The following MECOM variants were observed in gnomAD, a reference collection of about 807,000 sequenced individuals.
MECOM encodes MDS1 and EVI1 complex locus.
MECOM carries 13 observed loss-of-function variants against 116.3 expected under a neutral mutation model. That is an observed-to-expected ratio of 0.11 (90% CI 0.07 to 0.18). The LOEUF is 0.18. Among genes scored for constraint, MECOM ranks in the 10% least tolerant of loss-of-function variants. The pLI is 1.00. For synonymous variants in MECOM, 528 were observed against 535.2 expected (o/e 0.99, Z 0.19); for missense variants, 1,299 against 1,509.0 (o/e 0.86, Z 2.31).
intron 1 of MECOM, among the ~76,000 whole-genome samples, chr3:169,388,050 G>T (rs1733654024): frequency 6.6e-6 from 1 of 151,956 alleles, no homozygotes; most frequent in Non-Finnish European, 1.5e-5. Context: ...CAAGCAGACA[G>T]GAAGGATTAC....
chr3:169,454,859 C>T (rs371181542), intron 1 of MECOM, among the ~76,000 whole-genome samples: 33 of 152,252 alleles, frequency 2.2e-4, no homozygotes, highest in African/African-American at 6.7e-4. Flanking sequence ...AAGCCTGACA[C>T]GCCTCATACA....
chr3:169,297,443 A>G lies in MECOM; in HGVS notation c.375+83744T>C, dbSNP rs532265718. On this transcript the variant is annotated intron_variant, in intron 2 of 16. Transcript: ENST00000651503. ...TTTTTATGTTATTGCTTTGACATTC[A>G]TTAACACTCACGTCAGAGGAAATCT... is the stretch of plus-strand genomic sequence containing the variant. 1.1e-4 allele frequency among the ~76,000 whole-genome samples: 16 copies of G among 152,262 alleles called. No individual in the cohort carries two copies. In the South Asian group the frequency reaches 1.2e-3, roughly 12 times the overall value.
chr3:169,641,925 T>G (rs1254523905), intron 1 of MECOM, among the ~76,000 whole-genome samples: 1 of 152,252 alleles, frequency 6.6e-6, no homozygotes, highest in Non-Finnish European at 1.5e-5. Context: ...GCTGTAAGAT[T>G]ATTTCAAGGA....
intron 1 of MECOM, among the ~76,000 whole-genome samples, chr3:169,600,227 C>T (rs1177088098): frequency 6.6e-6 from 1 of 152,146 alleles, no homozygotes; most frequent in Non-Finnish European, 1.5e-5. Flanking sequence ...CCACCTCAGC[C>T]TCCCAAAGTA....
intron 8 of MECOM, among the ~76,000 whole-genome samples, chr3:169,114,935 C>G (rs1728655182): frequency 6.6e-6 from 1 of 152,080 alleles, no homozygotes. Flanking sequence ...ATGACCAGCC[C>G]TTATTAAGGA....
intron 2 of MECOM, among the ~76,000 whole-genome samples, chr3:169,196,389 G>A (rs891560643): frequency 2.0e-5 from 3 of 151,996 alleles, no homozygotes; most frequent in Admixed American, 2.0e-4. Context: ...AAAATGGTTT[G>A]TGATTAATTC....
intron 2 of MECOM, among the ~76,000 whole-genome samples, chr3:169,265,229 A>G (rs1030081189): frequency 4.6e-5 from 7 of 152,142 alleles, no homozygotes; most frequent in African/African-American, 1.7e-4. Flanking sequence ...CACATAGGTC[A>G]TGTTGTGGCT....
Position 169,128,028 on chromosome 3 carries a change from G to T in MECOM, c.646C>A (p.Gln216Lys). 6.2e-6 allele frequency: 10 copies of T among 1,613,996 alleles called. No homozygotes were observed. The highest frequency in any genetic ancestry group is 8.5e-6 in the Non-Finnish European group (10 of 1,179,916). The change falls in exon 5 of 17, where the codon CAG (glutamine) becomes AAG (lysine). Residue 216 changes from glutamine (Q) to lysine (K), a missense_variant. This residue lies in a region of MECOM where 374 missense variants were observed against 433.4 expected (regional missense o/e 0.86). Coordinates refer to ENST00000651503, the MANE Select transcript of MECOM (RefSeq NM_004991.4). ...ERQYRCEDCD[Q>K]LFESKAELAD... Reference sequence around the variant, plus strand: ...AGTTCAGCCTTAGATTCAAAGAGCTGGTCACAGTCTTCGCAGCGATATTGC... The same window carrying T: ...AGTTCAGCCTTAGATTCAAAGAGCTTGTCACAGTCTTCGCAGCGATATTGC...
At chr3:169,235,562 A>G (rs1415676961) in intron 2 of MECOM, among the ~76,000 whole-genome samples, 2 of 152,214 alleles carry the variant, frequency 1.3e-5, no homozygotes, top group Non-Finnish European at 2.9e-5. Flanking sequence ...ATAATAAAAA[A>G]GTAAAATTTT....
At chr3:169,300,891 A>G (rs1047314184) in intron 2 of MECOM, among the ~76,000 whole-genome samples, 3 of 152,204 alleles carry the variant, frequency 2.0e-5, no homozygotes, top group African/African-American at 2.4e-5. Context: ...AGCCACTCCA[A>G]CACCTTGTTG....
At chr3:169,295,505 G>T (rs938758005) in intron 2 of MECOM, among the ~76,000 whole-genome samples, 1 of 152,174 alleles carries the variant, frequency 6.6e-6, no homozygotes, top group African/African-American at 2.4e-5. Flanking sequence ...TTTCAAAGTT[G>T]AGATTTTTAT....
chr3:169,193,156 A>T (rs1359076438), intron 2 of MECOM, among the ~76,000 whole-genome samples: 3 of 151,984 alleles, frequency 2.0e-5, no homozygotes, highest in Non-Finnish European at 4.4e-5. Context: ...TTAAAATTTA[A>T]TAGACATGAA....
intron 1 of MECOM, among the ~76,000 whole-genome samples, chr3:169,505,869 T>G (rs1755157333): frequency 6.6e-6 from 1 of 152,196 alleles, no homozygotes; most frequent in South Asian, 2.1e-4. Flanking sequence ...AAGGTGGAAC[T>G]GCGGGTCTTG....
intron 2 of MECOM, among the ~76,000 whole-genome samples, chr3:169,255,714 A>G (rs1756781518): frequency 6.6e-6 from 1 of 152,080 alleles, no homozygotes; most frequent in Non-Finnish European, 1.5e-5. Flanking sequence ...TTCACATACT[A>G]CTGACTTCTG....
At chr3:169,222,273 C>T (rs533893657) in intron 2 of MECOM, among the ~76,000 whole-genome samples, 2 of 152,286 alleles carry the variant, frequency 1.3e-5, no homozygotes, top group South Asian at 2.1e-4. Context: ...AAATGGCAAA[C>T]AATAATCATT....
intron 1 of MECOM, among the ~76,000 whole-genome samples, chr3:169,506,067 C>T (rs774972651): frequency 2.6e-5 from 4 of 152,198 alleles, no homozygotes; most frequent in Non-Finnish European, 5.9e-5. Flanking sequence ...TGTTGCCGTT[C>T]TGAAGAGCAC....
intron 2 of MECOM, among the ~76,000 whole-genome samples, chr3:169,303,552 T>A (rs1208117839): frequency 6.6e-6 from 1 of 152,080 alleles, no homozygotes; most frequent in Non-Finnish European, 1.5e-5. Flanking sequence ...AGTGGTGAAA[T>A]CCATGTGAAA....
At chr3:169,302,353 T>C (rs1383393229) in intron 2 of MECOM, among the ~76,000 whole-genome samples, 1 of 152,154 alleles carries the variant, frequency 6.6e-6, no homozygotes. Flanking sequence ...GCACAACACC[T>C]CCTGCTGTGA....
intron 1 of MECOM, among the ~76,000 whole-genome samples, chr3:169,519,007 G>A (rs1053468690): frequency 8.5e-5 from 13 of 152,166 alleles, no homozygotes; most frequent in Non-Finnish European, 1.2e-4. Context: ...TCTCAGATAT[G>A]TCTTTACCAG....
Sources: allele counts gnomAD v4.1 joint callset (sites outside exome capture counted in the v4.1 genomes callset), GRCh38; gene constraint gnomAD v4.1.1; regional missense constraint gnomAD v4.1.1; transcripts MANE v1.5; gene names NCBI Gene and HGNC (gene_info 2026-07-23, HGNC 2026-07-21).